Variants in EXD1 observed in about 807,000 individuals in gnomAD.
EXD1 encodes piRNA biogenesis protein EXD1.
Under a neutral mutation model 49.1 loss-of-function variants are expected in EXD1, and 63 were observed. The ratio of observed to expected loss-of-function variants is 1.28; its 90% CI spans 1.05 to 1.58. The LOEUF (loss-of-function observed/expected upper bound fraction) is 1.58. EXD1 is among the 40% of genes most tolerant of loss of function. The pLI is 0.00. For missense variants in EXD1, 748 were observed against 666.0 expected (o/e 1.12, Z -1.36); for synonymous variants, 234 against 239.2 (o/e 0.98, Z 0.20).
At chr15:41,212,381 G>C (rs1444477346) in intron 6 of EXD1, among the ~76,000 whole-genome samples, 14 of 152,090 alleles carry the variant, frequency 9.2e-5, no homozygotes, top group Admixed American at 7.2e-4. Flanking sequence ...TGTGAACCCG[G>C]GAGGCAGAGC....
intron 6 of EXD1, among the ~76,000 whole-genome samples, chr15:41,210,282 A>G (rs1440122393): frequency 2.0e-5 from 3 of 152,124 alleles, no homozygotes; most frequent in Non-Finnish European, 4.4e-5. Context: ...AGGGCAATTT[A>G]CCACAACTGA....
Position 41,215,804 on chromosome 15 carries a change from T to A in EXD1, c.418A>T (p.Asn140Tyr), listed in dbSNP as rs144119621. 1 of 1,614,090 alleles carries A rather than the reference T, an allele frequency of 6.2e-7. No individual in the cohort carries two copies. Among genetic ancestry groups the A allele is most frequent in the Non-Finnish European group, 8.5e-7 (1 of 1,179,972 alleles). ...GCACCAAACTTCTGCTGGAATTGAT[T>A]AATGACTGTGTATGTCACCTCCTCT... ...EEEEVTYTVI[N>Y]QFQQKFGAAI... is the part of the protein sequence containing the mutation. The change falls in exon 6 of 12, where the codon AAT (asparagine) becomes TAT (tyrosine). Residue 140 changes from asparagine (N) to tyrosine (Y), a missense_variant. Coordinates refer to ENST00000458580, the MANE Select transcript of EXD1 (RefSeq NM_001286441.2).
At chr15:41,199,115 A>T (rs1173205624) in intron 7 of EXD1, among the ~76,000 whole-genome samples, 1 of 152,066 alleles carries the variant, frequency 6.6e-6, no homozygotes, top group Non-Finnish European at 1.5e-5. Context: ...GCACGCCAAC[A>T]CACCCAGCTA....
rs747758287 is a variant in EXD1, at chr15:41,184,588, T to G, written c.1062A>C (p.Thr354=). ...SADRLGGTEP[T]CMELPEELLQ... is the part of the protein sequence containing the mutation. The stretch of plus-strand genomic sequence containing the variant: ...GCAGTTCCTCTGGCAGCTCCATACA[T>G]GTAGGCTAAGAAGAGAAAGCGAACA... The change falls in exon 12 of 12, where the codon ACA becomes ACC. Residue 354 remains threonine (T), a synonymous_variant. Coordinates refer to ENST00000458580, the MANE Select transcript of EXD1 (RefSeq NM_001286441.2). The G allele has an allele frequency of 1.9e-6, 3 of 1,579,968 alleles. No individual in the cohort carries two copies. The highest frequency in any genetic ancestry group is 2.4e-5 in the South Asian group (2 of 85,062).
In EXD1 at chr15:41,186,528, G is replaced by C. The variant is rs969757471; in HGVS notation, c.1057-1935C>G. On this transcript the variant is annotated intron_variant, in intron 11 of 11. Coordinates refer to ENST00000458580, the MANE Select transcript of EXD1 (RefSeq NM_001286441.2). Reference sequence around the variant, plus strand: ...GAATGGTTGCATTTGAAATGATGATGCACAAACTTTTTTTTCCATGTCATT... The same window carrying C: ...GAATGGTTGCATTTGAAATGATGATCCACAAACTTTTTTTTCCATGTCATT... Among the ~76,000 whole-genome samples, 3 of 146,764 alleles carry C rather than the reference G, an allele frequency of 2.0e-5. No homozygotes were observed. The Admixed American group carries it at 2.1e-4, about 10-fold the overall frequency.
chr15:41,217,544 T>C (rs2047018971), intron 3 of EXD1, among the ~76,000 whole-genome samples: 1 of 150,112 alleles, frequency 6.7e-6, no homozygotes, highest in Non-Finnish European at 1.5e-5. Flanking sequence ...TTTTTTTTTT[T>C]TTTTGAGATG....
intron 2 of EXD1, among the ~76,000 whole-genome samples, chr15:41,220,247 G>GA (rs1044453275): frequency 6.7e-6 from 1 of 149,788 alleles, no homozygotes; most frequent in East Asian, 1.9e-4. Context: ...CTTAACTCCA[G>GA]AAAAAAAATT....
At chr15:41,217,594 G>C (rs1424355356) in intron 3 of EXD1, among the ~76,000 whole-genome samples, 2 of 146,996 alleles carry the variant, frequency 1.4e-5, no homozygotes, top group Non-Finnish European at 3.0e-5. Flanking sequence ...GCAGAGGTGC[G>C]ACCTCAGCTC....
chr15:41,214,138 G>A (rs1196120977), intron 6 of EXD1, among the ~76,000 whole-genome samples: 2 of 152,106 alleles, frequency 1.3e-5, no homozygotes, highest in Non-Finnish European at 2.9e-5. Context: ...CTGCACTCCA[G>A]CCTGGGCGAA....
At chr15:41,228,727 TCTCA>T (rs1292225601) in intron 1 of EXD1, among the ~76,000 whole-genome samples, 1 of 151,464 alleles carries the variant, frequency 6.6e-6, no homozygotes, top group Non-Finnish European at 1.5e-5. Flanking sequence ...TGAGATGGAG[TCTCA>T]CTCTGTCGCC....
At chr15:41,211,375 T>C (rs958623978) in intron 6 of EXD1, among the ~76,000 whole-genome samples, 1 of 152,042 alleles carries the variant, frequency 6.6e-6, no homozygotes, top group African/African-American at 2.4e-5. Flanking sequence ...CCTCCAAAAG[T>C]GCTGGTATTA....
intron 11 of EXD1, among the ~76,000 whole-genome samples, chr15:41,187,629 G>T (rs946089416): frequency 6.6e-6 from 1 of 152,054 alleles, no homozygotes; most frequent in African/African-American, 2.4e-5. Context: ...TGGCTCTACT[G>T]AAATGTATGA....
rs773719149 is a variant in EXD1 at position 41,204,247 on chromosome 15, C to CAA, written c.534+5252_534+5253dup. 1.9e-3 allele frequency among the ~76,000 whole-genome samples: 144 copies of CAA among 76,082 alleles called. 1 individual carries two copies. Among genetic ancestry groups the CAA allele is most frequent in the African/African-American group, 6.1e-3 (139 of 22,818 alleles). 49.9% of individuals were successfully genotyped at this position (76,082 alleles called of 152,430 possible). A position where few individuals can be genotyped will look rare whatever the true frequency, so the allele number is the denominator to read the frequency against. On this transcript the variant is annotated intron_variant, in intron 7 of 11. Coordinates refer to ENST00000458580, the MANE Select transcript of EXD1 (RefSeq NM_001286441.2). Reference sequence around the variant, plus strand: ...TGGGCGACACAGCAAGACTCTGTCTCAAAAAAAAAAAAAAAAAAATCAGCC... The same window carrying CAA: ...TGGGCGACACAGCAAGACTCTGTCTCAAAAAAAAAAAAAAAAAAAAATCAGCC...
intron 2 of EXD1, among the ~76,000 whole-genome samples, chr15:41,220,613 C>G (rs1459498412): frequency 6.6e-6 from 1 of 152,060 alleles, no homozygotes; most frequent in Non-Finnish European, 1.5e-5. Flanking sequence ...GCTACACACT[C>G]AAAAGTACTA....
Position 41,192,594 on chromosome 15 carries a change from A to ATTTTTT in EXD1, c.721-1015_721-1010dup, listed in dbSNP as rs59054803. Among the ~76,000 whole-genome samples, 20 of 40,872 alleles carry ATTTTTT rather than the reference A, an allele frequency of 4.9e-4. 3 individuals are homozygous for ATTTTTT. Among genetic ancestry groups the ATTTTTT allele is most frequent in the African/African-American group, 1.1e-3 (15 of 13,494 alleles). The allele number at this position is 40,872 out of a possible 152,430, so 26.8% of individuals were successfully genotyped here. A position where few individuals can be genotyped will look rare whatever the true frequency, so the allele number is the denominator to read the frequency against. On this transcript the variant is annotated intron_variant, in intron 9 of 11. Transcript: ENST00000458580. ...ACAGGCGTGAACCACTGCGCCAGGCATTTTTTTTTTTTTTTTTTTTTTTTT... is the reference window on the plus strand; with the variant it reads ...ACAGGCGTGAACCACTGCGCCAGGCATTTTTTTTTTTTTTTTTTTTTTTTTTTTTTT...
intron 9 of EXD1, 110 bp downstream of exon 9, chr15:41,195,665 A>AC (rs1279768844): frequency 7.9e-6 from 4 of 503,368 alleles, no homozygotes; most frequent in African/African-American, 2.1e-5. Context: ...TGGAGCACCA[A>AC]AAAAAAAAAA....
chr15:41,184,055 T>C lies in EXD1; in HGVS notation c.1595A>G (p.Glu532Gly). Residue 532 changes from glutamate (E) to glycine (G), a missense_variant, in exon 12 of 12, where the codon GAA becomes GGA. Glu to Gly is a moderately conservative substitution (Grantham distance 98). Coordinates refer to ENST00000458580, the MANE Select transcript of EXD1 (RefSeq NM_001286441.2). ...AGTGTCACTTGGAGACACTCTGGTT[T>C]CCTGAGGAAAGGAAGACATTGAAAC... is the stretch of plus-strand genomic sequence containing the variant. ...QAVSMSSFPQ[E>G]TRVSPSDTFY... 1 of 1,614,240 alleles carries C rather than the reference T, an allele frequency of 6.2e-7. No homozygotes were observed. The highest frequency in any genetic ancestry group is 8.5e-7 in the Non-Finnish European group (1 of 1,180,042).
intron 2 of EXD1, among the ~76,000 whole-genome samples, chr15:41,225,236 G>T (rs934255080): frequency 6.6e-6 from 1 of 152,146 alleles, no homozygotes; most frequent in Admixed American, 6.5e-5. Context: ...AACTGCTGAA[G>T]TCAAAAACAA....
rs2047012693 is a variant in EXD1 at position 41,217,157 on chromosome 15, G to A, written c.203-3C>T. 1.2e-6 allele frequency: 2 copies of A among 1,611,470 alleles called. No individual in the cohort carries two copies. Among genetic ancestry groups the A allele is most frequent in the African/African-American group, 2.7e-5 (2 of 74,884 alleles). ...TTCCACTTCATCTAGTAGTTCCACT[G>A]TAAAATAACCAAATGGCTTCCAACA... On this transcript the variant is annotated splice_region_variant and splice_polypyrimidine_tract_variant and intron_variant, in intron 3 of 11. Transcript: ENST00000458580.
Sources: gnomAD v4.1 joint callset for allele counts (sites outside exome capture counted in the v4.1 genomes callset) on GRCh38, gnomAD v4.1.1 for gene constraint, MANE v1.5 for transcripts, NCBI Gene and HGNC (gene_info 2026-07-23, HGNC 2026-07-21) for gene names.